The following TENT5C variants were observed in gnomAD, a reference collection of about 807,000 sequenced individuals.
The protein encoded by TENT5C is terminal nucleotidyltransferase 5C.
A neutral mutation model predicts 22.2 loss-of-function variants in TENT5C; 5 were observed. That is an observed-to-expected ratio of 0.22 (90% CI 0.12 to 0.47). The LOEUF is 0.47. TENT5C is among the 20% of genes least tolerant of loss of function. The pLI is 0.99. For missense variants in TENT5C, 364 were observed against 500.9 expected, an observed-to-expected ratio of 0.73 and a Z score of 2.61; for synonymous variants, 199 against 195.4, an observed-to-expected ratio of 1.02 and a Z score of -0.15.
At chr1:117,609,528 G>A (rs776559054) in intron 1 of TENT5C, among the ~76,000 whole-genome samples, 11 of 152,050 alleles carry the variant, frequency 7.2e-5, no homozygotes, top group Non-Finnish European at 1.2e-4. Flanking sequence ...TTGGAGAACC[G>A]TGATTGAGTC....
At chr1:117,609,200 G>A (rs925154811) in intron 1 of TENT5C, among the ~76,000 whole-genome samples, 5 of 152,142 alleles carry the variant, frequency 3.3e-5, no homozygotes, top group Non-Finnish European at 5.9e-5. Flanking sequence ...CTCTCAAAAC[G>A]TTTTTACGCT....
chr1:117,609,661 C>T (rs905205286), intron 1 of TENT5C, among the ~76,000 whole-genome samples: 4 of 152,198 alleles, frequency 2.6e-5, no homozygotes, highest in Admixed American at 2.6e-4. Flanking sequence ...CTGGCTTTAT[C>T]ATGCAGTCGA....
At chr1:117,617,343 T>G (rs1258627848) in intron 1 of TENT5C, among the ~76,000 whole-genome samples, 2 of 152,148 alleles carry the variant, frequency 1.3e-5, no homozygotes, top group Admixed American at 6.5e-5. Flanking sequence ...TCTGGCCTAG[T>G]TTGTTTTTTC....
At position 117,626,400 on chromosome 1, in the gene TENT5C, G is replaced by A. The variant is rs543857895; in HGVS notation, c.*2356G>A. 14 of 247,702 alleles carry A rather than the reference G, an allele frequency of 5.7e-5. No individual in the cohort carries two copies. The highest frequency in any genetic ancestry group is 1.1e-4 in the Admixed American group (2 of 17,776). The allele number at this position is 247,702 out of a possible 1,614,324, so 15.3% of individuals were successfully genotyped here. On this transcript the variant is annotated 3_prime_UTR_variant, in exon 2 of 2. Coordinates refer to ENST00000369448, the MANE Select transcript of TENT5C (RefSeq NM_017709.4). ...GCCACCATTGCACCATGGTTGTCTCGGAGTCCCTTCACCTGACCTTTTTAG... is the reference window on the plus strand; with the variant it reads ...GCCACCATTGCACCATGGTTGTCTCAGAGTCCCTTCACCTGACCTTTTTAG...
intron 1 of TENT5C, among the ~76,000 whole-genome samples, chr1:117,621,408 G>A (rs1653892074): frequency 6.6e-6 from 1 of 152,062 alleles, no homozygotes; most frequent in South Asian, 2.1e-4. Flanking sequence ...TTCCACCACT[G>A]GAGTTGTCTA....
At chr1:117,617,597 G>C (rs1653814737) in intron 1 of TENT5C, among the ~76,000 whole-genome samples, 1 of 152,234 alleles carries the variant, frequency 6.6e-6, no homozygotes, top group East Asian at 1.9e-4. Flanking sequence ...AACAGTAAAA[G>C]GGAAATGAAA....
At chr1:117,606,361 G>A (rs1224948890) in intron 1 of TENT5C, among the ~76,000 whole-genome samples, 1 of 152,124 alleles carries the variant, frequency 6.6e-6, no homozygotes, top group Non-Finnish European at 1.5e-5. Context: ...GAGGACCCCC[G>A]CCCCTGACAC....
Position 117,622,828 on chromosome 1 carries a change from C to A in TENT5C, c.-27-14C>A, listed in dbSNP as rs1653923487. On this transcript the variant is annotated splice_polypyrimidine_tract_variant and intron_variant, in intron 1 of 1. Transcript: ENST00000369448. ...AAGTGAATCCTAACTCTGCTTCTCA[C>A]CCCTCACTTTCAGTTTCCCCAGCCA... The A allele has an allele frequency of 3.2e-6, 5 of 1,568,052 alleles. No individual in the cohort carries two copies. The highest frequency in any genetic ancestry group is 1.3e-5 in the African/African-American group (1 of 74,128).
intron 1 of TENT5C, among the ~76,000 whole-genome samples, chr1:117,617,104 G>T (rs1444543518): frequency 6.6e-6 from 1 of 152,084 alleles, no homozygotes; most frequent in Non-Finnish European, 1.5e-5. Context: ...TGCCTCTCCC[G>T]CTCGCCCACC....
intron 1 of TENT5C, among the ~76,000 whole-genome samples, chr1:117,622,141 G>A (rs1424742628): frequency 6.6e-6 from 1 of 152,146 alleles, no homozygotes; most frequent in Admixed American, 6.5e-5. Flanking sequence ...CCACTCCTTG[G>A]TTCTACCCTA....
chr1:117,606,499 G>A (rs1363256982), intron 1 of TENT5C, among the ~76,000 whole-genome samples: 1 of 152,210 alleles, frequency 6.6e-6, no homozygotes, highest in East Asian at 1.9e-4. Flanking sequence ...GCCAGGCGCG[G>A]GCAGGGCGTC....
At chr1:117,609,330 G>T (rs533879369) in intron 1 of TENT5C, among the ~76,000 whole-genome samples, 1 of 152,292 alleles carries the variant, frequency 6.6e-6, no homozygotes, top group Admixed American at 6.5e-5. Flanking sequence ...AATAGATTTT[G>T]TACAGCTGGC....
chr1:117,625,515 TG>T lies in TENT5C; in HGVS notation c.*1474del, dbSNP rs1173943279. 1 of 248,050 alleles carries T rather than the reference TG, an allele frequency of 4.0e-6. No individual in the cohort carries two copies. Among genetic ancestry groups the T allele is most frequent in the African/African-American group, 2.2e-5 (1 of 45,350 alleles). 15.4% of individuals were successfully genotyped at this position (248,050 alleles called of 1,614,324 possible). A position where few individuals can be genotyped will look rare whatever the true frequency, so the allele number is the denominator to read the frequency against. On this transcript the variant is annotated 3_prime_UTR_variant, in exon 2 of 2. Coordinates refer to ENST00000369448, the MANE Select transcript of TENT5C (RefSeq NM_017709.4). ...AGATTATGTGTTTTGAAATGTTTTG[TG>T]GGATCCCTTAGAAAGCATCACTTCA...
chr1:117,607,328 T>C (rs1653564202), intron 1 of TENT5C, among the ~76,000 whole-genome samples: 1 of 152,244 alleles, frequency 6.6e-6, no homozygotes, highest in South Asian at 2.1e-4. Context: ...ACCAGTTCCC[T>C]GGCTTAATTA....
chr1:117,612,294 G>A (rs1036130606), intron 1 of TENT5C, among the ~76,000 whole-genome samples: 26 of 151,072 alleles, frequency 1.7e-4, no homozygotes, highest in African/African-American at 4.1e-4. Flanking sequence ...CACACTGTGC[G>A]TCAGACTTGA....
At chr1:117,606,854 A>G (rs1653547744) in intron 1 of TENT5C, among the ~76,000 whole-genome samples, 1 of 152,192 alleles carries the variant, frequency 6.6e-6, no homozygotes, top group African/African-American at 2.4e-5. Flanking sequence ...CAAGCCAGTG[A>G]CTTGTGCGCT....
Position 117,623,890 on chromosome 1 carries a change from T to G in TENT5C, c.1022T>G (p.Leu341Arg). 6.2e-7 allele frequency: 1 copy of G among 1,614,214 alleles called. No individual in the cohort carries two copies. Among genetic ancestry groups the G allele is most frequent in the African/African-American group, 1.3e-5 (1 of 75,056 alleles). Residue 341 changes from leucine to arginine, a missense_variant, in exon 2 of 2, where the codon CTG becomes CGG. Leu to Arg is a moderately radical substitution (Grantham distance 102, BLOSUM62 -2). Transcript: ENST00000369448. ...NLISLLALRV[L>R]AEQNIIPSAT... ...ATCTCCCTCCTGGCCTTGCGTGTGC[T>G]GGCGGAACAAAACATCATCCCCAGT...
rs1260149561 is a variant in TENT5C at position 117,626,855 on chromosome 1, C to T, written c.*2811C>T. 1.2e-5 allele frequency: 3 copies of T among 248,062 alleles called. No homozygotes were observed. Among genetic ancestry groups the T allele is most frequent in the Non-Finnish European group, 1.7e-5 (2 of 118,148 alleles). 15.4% of individuals were successfully genotyped at this position (248,062 alleles called of 1,614,324 possible). On this transcript the variant is annotated 3_prime_UTR_variant, in exon 2 of 2. Transcript: ENST00000369448. ...CTGATGCTTTCGGCATGTCTGCAGCCTGTTCTCCTAGCCTGCTGCTTGGAG... is the reference window on the plus strand; with the variant it reads ...CTGATGCTTTCGGCATGTCTGCAGCTTGTTCTCCTAGCCTGCTGCTTGGAG...
intron 1 of TENT5C, among the ~76,000 whole-genome samples, chr1:117,617,883 G>A (rs891459827): frequency 1.1e-4 from 16 of 152,220 alleles, no homozygotes; most frequent in Non-Finnish European, 2.2e-4. Context: ...ACTTTAAAAT[G>A]TACTTTTGGT....
Sources: gnomAD v4.1 joint callset for allele counts (sites outside exome capture counted in the v4.1 genomes callset) on GRCh38, gnomAD v4.1.1 for gene constraint, MANE v1.5 for transcripts, NCBI Gene and HGNC (gene_info 2026-07-23, HGNC 2026-07-21) for gene names.